The following CDH2 variants were observed in gnomAD, a reference collection of about 807,000 sequenced individuals.
The protein encoded by CDH2 is cadherin 2, also known as cadherin-2.
A neutral mutation model predicts 92.0 loss-of-function variants in CDH2; 17 were observed. The ratio of observed to expected loss-of-function variants is 0.18; its 90% confidence interval spans 0.13 to 0.28. The LOEUF (loss-of-function observed/expected upper bound fraction) is 0.28. CDH2 is among the 10% of genes least tolerant of loss of function. The pLI, the probability that CDH2 is intolerant of heterozygous loss-of-function variation, is 1.00. For synonymous variants in CDH2, 419 were observed against 415.9 expected (o/e 1.01, Z -0.09); for missense variants, 862 against 1,133.1 (o/e 0.76, Z 3.44).
chr18:28,033,561 A>C (rs1056066827), intron 2 of CDH2, among the ~76,000 whole-genome samples: 1 of 152,020 alleles, frequency 6.6e-6, no homozygotes, highest in Non-Finnish European at 1.5e-5. Flanking sequence ...TTTAAATTCC[A>C]TTGTAGGTTT....
At chr18:27,949,956 G>A (rs1160635325), downstream of CDH2, among the ~76,000 whole-genome samples, 1 of 151,820 alleles carries the variant, frequency 6.6e-6, no homozygotes, top group African/African-American at 2.4e-5. Context: ...TTATCTAAAT[G>A]GTGTGAGCAT....
chr18:28,164,472 C>A (rs373130492), intron 1 of CDH2, among the ~76,000 whole-genome samples: 1 of 152,150 alleles, frequency 6.6e-6, no homozygotes, highest in African/African-American at 2.4e-5. Flanking sequence ...TGCATCTAAT[C>A]GTCAATAAAC....
intron 1 of CDH2, among the ~76,000 whole-genome samples, chr18:28,175,916 G>T (rs561409979): frequency 2.6e-4 from 40 of 152,280 alleles, no homozygotes; most frequent in African/African-American, 8.9e-4. Flanking sequence ...CACTGCACCC[G>T]CCCAGCTAGA....
intron 2 of CDH2, among the ~76,000 whole-genome samples, chr18:28,019,398 A>T (rs1567966739): frequency 2.0e-5 from 3 of 152,082 alleles, no homozygotes; most frequent in Admixed American, 6.6e-5. Flanking sequence ...GAAAAGAAAA[A>T]GAGAAACAAA....
At chr18:28,031,156 T>C (rs2013685750) in intron 2 of CDH2, among the ~76,000 whole-genome samples, 2 of 151,750 alleles carry the variant, frequency 1.3e-5, no homozygotes, top group Admixed American at 1.3e-4. Flanking sequence ...ACTACAGAGA[T>C]GTGAAAGCCA....
At chr18:28,002,223 A>T (rs957257932) in intron 7 of CDH2, among the ~76,000 whole-genome samples, 1 of 152,188 alleles carries the variant, frequency 6.6e-6, no homozygotes, top group African/African-American at 2.4e-5. Context: ...TAAAGGTGCA[A>T]GGCATGCCTG....
chr18:28,002,359 G>A (rs1253460963), intron 7 of CDH2, among the ~76,000 whole-genome samples: 2 of 152,202 alleles, frequency 1.3e-5, no homozygotes, highest in African/African-American at 4.8e-5. Flanking sequence ...CTGTGATACT[G>A]CATAGTATTT....
intron 1 of CDH2, among the ~76,000 whole-genome samples, chr18:28,148,203 A>C (rs565135002): frequency 6.6e-6 from 1 of 152,144 alleles, no homozygotes; most frequent in Non-Finnish European, 1.5e-5. Context: ...ATTTTTAGCT[A>C]ATTTTCTATA....
At chr18:28,144,770 A>G (rs2016009555) in intron 2 of CDH2, among the ~76,000 whole-genome samples, 1 of 152,072 alleles carries the variant, frequency 6.6e-6, no homozygotes, top group African/African-American at 2.4e-5. Context: ...TATTCATGTG[A>G]TATTACATTA....
At chr18:27,962,823 T>C (rs1330212331) in intron 15 of CDH2, among the ~76,000 whole-genome samples, 3 of 152,188 alleles carry the variant, frequency 2.0e-5, no homozygotes, top group Non-Finnish European at 4.4e-5. Context: ...AGCTTCCTTT[T>C]ACAGAAGCTC....
chr18:28,075,302 TAGC>T (rs1162919205), intron 2 of CDH2, among the ~76,000 whole-genome samples: 1 of 152,132 alleles, frequency 6.6e-6, no homozygotes, highest in Non-Finnish European at 1.5e-5. Flanking sequence ...GAGTGCTAGA[TAGC>T]AGGAGTGTGG....
chr18:28,144,980 G>C (rs1187453642), intron 2 of CDH2, among the ~76,000 whole-genome samples: 3 of 152,052 alleles, frequency 2.0e-5, no homozygotes, highest in Non-Finnish European at 4.4e-5. Context: ...TACATTTCAT[G>C]CTTCTTCTAT....
chr18:28,103,392 CATATATATAAAGTATGT>C (rs1358977663), intron 2 of CDH2, among the ~76,000 whole-genome samples: 7 of 142,388 alleles, frequency 4.9e-5, no homozygotes, highest in African/African-American at 1.8e-4. Context: ...ATATAAAGTA[CATATATATAAAGTATGT>C]ATATATATAA....
intron 2 of CDH2, among the ~76,000 whole-genome samples, chr18:28,031,174 G>C (rs1036975646): frequency 2.6e-5 from 4 of 151,494 alleles, no homozygotes; most frequent in Non-Finnish European, 4.4e-5. Flanking sequence ...CCAACTCTGG[G>C]TTCACCCTCC....
intron 1 of CDH2, among the ~76,000 whole-genome samples, chr18:28,175,866 A>T (rs1010094702): frequency 6.6e-6 from 1 of 152,126 alleles, no homozygotes; most frequent in Non-Finnish European, 1.5e-5. Flanking sequence ...GCAACCTTCG[A>T]GGGACCCCAC....
chr18:27,965,468 C>A (rs140680663), intron 14 of CDH2, among the ~76,000 whole-genome samples: 1 of 152,184 alleles, frequency 6.6e-6, no homozygotes, highest in Non-Finnish European at 1.5e-5. Context: ...TATGGGCTGG[C>A]GACAAAGCGC....
At chr18:27,947,619 C>G (rs1490188491), downstream of CDH2, among the ~76,000 whole-genome samples, 1 of 151,762 alleles carries the variant, frequency 6.6e-6, no homozygotes, top group Non-Finnish European at 1.5e-5. Flanking sequence ...GAAACAAACA[C>G]ATGCTTATAT....
intron 9 of CDH2, among the ~76,000 whole-genome samples, chr18:27,990,811 G>A (rs1046450787): frequency 2.0e-5 from 3 of 152,118 alleles, no homozygotes; most frequent in Non-Finnish European, 4.4e-5. Flanking sequence ...ATCAGAAAAT[G>A]TAATTTTTAA....
At chr18:27,957,133 C>CCATCCATCCATCCAT (rs1555627674) in intron 15 of CDH2, among the ~76,000 whole-genome samples, 202 of 151,472 alleles carry the variant, frequency 1.3e-3, no homozygotes, top group African/African-American at 4.7e-3. Flanking sequence ...ATCCATCCAT[C>CCATCCATCCATCCAT]CCATCCATCC....
Sources: gnomAD v4.1 joint callset for allele counts (sites outside exome capture counted in the v4.1 genomes callset) on GRCh38, gnomAD v4.1.1 for gene constraint, MANE v1.5 for transcripts, NCBI Gene and HGNC (gene_info 2026-07-23, HGNC 2026-07-21) for gene names.